The following BMP6 variants were observed in gnomAD, a reference collection of about 807,000 sequenced individuals.
BMP6 encodes VG-1-R.
A neutral mutation model predicts 54.1 loss-of-function variants in BMP6; 17 were observed. The observed-to-expected ratio is 0.31, with a 90% confidence interval of 0.22 to 0.47. The LOEUF (loss-of-function observed/expected upper bound fraction) is 0.47. Ranked by LOEUF, BMP6 falls within the 20% of genes least tolerant of loss-of-function variation. The pLI, the probability that BMP6 is intolerant of heterozygous loss-of-function variation, is 1.00. For missense variants in BMP6, 720 were observed against 690.4 expected (o/e 1.04, Z -0.48); for synonymous variants, 328 against 291.2 (o/e 1.13, Z -1.28).
At chr6:7,865,464 A>G (rs1267914287) in intron 4 of BMP6, among the ~76,000 whole-genome samples, 1 of 152,126 alleles carries the variant, frequency 6.6e-6, no homozygotes, top group African/African-American at 2.4e-5. Flanking sequence ...GAAATTGCTC[A>G]TGTCTGGCCC....
intron 1 of BMP6, among the ~76,000 whole-genome samples, chr6:7,803,742 AT>A (rs925984201): frequency 5.3e-5 from 8 of 149,608 alleles, no homozygotes; most frequent in African/African-American, 2.0e-4. Context: ...AAGATGCACC[AT>A]TTTTTTTTCA....
chr6:7,808,110 T>C (rs573798877), intron 1 of BMP6, among the ~76,000 whole-genome samples: 464 of 151,960 alleles, frequency 3.1e-3, no homozygotes, highest in Middle Eastern at 0.01. Context: ...TTAGTAGAGA[T>C]GGGGTTTCAC....
intron 1 of BMP6, among the ~76,000 whole-genome samples, chr6:7,755,373 A>G (rs1757499106): frequency 6.6e-6 from 1 of 152,132 alleles, no homozygotes; most frequent in South Asian, 2.1e-4. Context: ...TCTAAGGTTT[A>G]TAGTATATGT....
At chr6:7,813,107 AAATATATATATATATATATATATATAT>A (rs1259975408) in intron 1 of BMP6, among the ~76,000 whole-genome samples, 1 of 48,408 alleles carries the variant, frequency 2.1e-5, no homozygotes, top group Non-Finnish European at 3.7e-5. Flanking sequence ...AAAAAAAAAA[AAATATATATATATATATATATATATAT>A]ATATATATAT....
chr6:7,879,441 C>T (rs1246628792), intron 5 of BMP6, among the ~76,000 whole-genome samples: 3 of 152,160 alleles, frequency 2.0e-5, no homozygotes, highest in African/African-American at 4.8e-5. Context: ...TTTCAAAGCC[C>T]ATAGGACATA....
At chr6:7,760,608 C>G (rs996177652) in intron 1 of BMP6, among the ~76,000 whole-genome samples, 1 of 152,160 alleles carries the variant, frequency 6.6e-6, no homozygotes, top group Non-Finnish European at 1.5e-5. Flanking sequence ...GCTGGGATTA[C>G]AGACGCCTGC....
rs532105799 is a variant in BMP6 at position 7,774,531 on chromosome 6, G to A, written c.664+46912G>A. 3.9e-5 allele frequency among the ~76,000 whole-genome samples: 6 copies of A among 152,276 alleles called. 1 individual carries two copies. The highest frequency in any genetic ancestry group is 4.2e-4 in the South Asian group (2 of 4,818). Reference sequence around the variant, plus strand: ...CGCGCCACTGCACTCCAGCCTGGGCGACAGAGGGAGACTCTGTCTCAAAAC... The same window carrying A: ...CGCGCCACTGCACTCCAGCCTGGGCAACAGAGGGAGACTCTGTCTCAAAAC... On this transcript the variant is annotated intron_variant, in intron 1 of 6. Coordinates refer to ENST00000283147, the MANE Select transcript of BMP6 (RefSeq NM_001718.6).
At chr6:7,783,085 T>C (rs1269067092) in intron 1 of BMP6, among the ~76,000 whole-genome samples, 1 of 152,174 alleles carries the variant, frequency 6.6e-6, no homozygotes, top group African/African-American at 2.4e-5. Flanking sequence ...AGACAGCTTT[T>C]ATGAAATCTG....
At chr6:7,843,741 A>G (rs1300102126) in intron 1 of BMP6, among the ~76,000 whole-genome samples, 1 of 152,218 alleles carries the variant, frequency 6.6e-6, no homozygotes, top group Non-Finnish European at 1.5e-5. Flanking sequence ...TACAGCAATT[A>G]TAAGTGAGGC....
chr6:7,765,131 C>T (rs574683529), intron 1 of BMP6, among the ~76,000 whole-genome samples: 5 of 152,154 alleles, frequency 3.3e-5, no homozygotes, highest in Non-Finnish European at 4.4e-5. Flanking sequence ...GGACCATTCC[C>T]GAGACTTGTA....
intron 5 of BMP6, 38 bp from the exon 6 acceptor site, chr6:7,879,953 A>G (rs1759686728): frequency 6.3e-7 from 1 of 1,576,628 alleles, no homozygotes; most frequent in Middle Eastern, 1.7e-4. Context: ...TGAGAAGTGC[A>G]TGCTCATCTT....
At chr6:7,735,207 T>C (rs934493233) in intron 1 of BMP6, among the ~76,000 whole-genome samples, 1 of 152,220 alleles carries the variant, frequency 6.6e-6, no homozygotes, top group Non-Finnish European at 1.5e-5. Context: ...CCTTTCACCG[T>C]CCAGAACGTC....
chr6:7,832,652 AGTTT>A (rs745640913), intron 1 of BMP6, among the ~76,000 whole-genome samples: 9 of 151,388 alleles, frequency 5.9e-5, no homozygotes, highest in Non-Finnish European at 8.8e-5. Context: ...GCTTACGAAG[AGTTT>A]GTTTGTTATT....
chr6:7,832,313 G>A (rs1262962625), intron 1 of BMP6, among the ~76,000 whole-genome samples: 1 of 152,186 alleles, frequency 6.6e-6, no homozygotes, highest in Non-Finnish European at 1.5e-5. Flanking sequence ...ATTAGGAGGT[G>A]GGGCCTTTGG....
chr6:7,817,629 T>C (rs570139801), intron 1 of BMP6, among the ~76,000 whole-genome samples: 144 of 151,418 alleles, frequency 9.5e-4, no homozygotes, highest in East Asian at 2.2e-3. Context: ...ATGTAAATGA[T>C]GAGTTAATGG....
chr6:7,847,182 CT>C (rs1272473361), intron 2 of BMP6, among the ~76,000 whole-genome samples: 1 of 152,142 alleles, frequency 6.6e-6, no homozygotes, highest in Non-Finnish European at 1.5e-5. Context: ...TGGTCCCAAC[CT>C]TTGATGACTC....
At chr6:7,761,802 G>A (rs776875491) in intron 1 of BMP6, among the ~76,000 whole-genome samples, 1 of 152,074 alleles carries the variant, frequency 6.6e-6, no homozygotes, top group African/African-American at 2.4e-5. Context: ...CTTTCTGATC[G>A]CTCAGTTGTC....
At chr6:7,779,624 G>C (rs1757911525) in intron 1 of BMP6, among the ~76,000 whole-genome samples, 1 of 152,194 alleles carries the variant, frequency 6.6e-6, no homozygotes, top group Admixed American at 6.5e-5. Flanking sequence ...ACAGGCGTGA[G>C]CCACTGAGCC....
At chr6:7,734,665 A>C (rs1761926142) in intron 1 of BMP6, among the ~76,000 whole-genome samples, 2 of 152,240 alleles carry the variant, frequency 1.3e-5, no homozygotes, top group Non-Finnish European at 2.9e-5. Flanking sequence ...TCCGAAATTG[A>C]GTTGAAAACC....
Sources: gnomAD v4.1 joint callset for allele counts (sites outside exome capture counted in the v4.1 genomes callset) on GRCh38, gnomAD v4.1.1 for gene constraint, MANE v1.5 for transcripts, NCBI Gene and HGNC (gene_info 2026-07-23, HGNC 2026-07-21) for gene names.